The following SORBS2 variants were observed in gnomAD, a reference collection of about 807,000 sequenced individuals.
SORBS2 encodes the protein sorbin and SH3 domain containing 2.
SORBS2 carries 46 observed loss-of-function variants against 97.7 expected under a neutral mutation model. The ratio of observed to expected loss-of-function variants is 0.47; its 90% confidence interval spans 0.37 to 0.60. SORBS2 has a LOEUF of 0.60. Ranked by LOEUF, SORBS2 falls within the 20% of genes least tolerant of loss-of-function variation. SORBS2 has a pLI of 0.00. For synonymous variants in SORBS2, 476 were observed against 473.4 expected (o/e 1.01, Z -0.07); for missense variants, 1,316 against 1,282.3 (o/e 1.03, Z -0.40).
chr4:185,630,633 T>C (rs755278357), intron 4 of SORBS2, 35 bp from the exon 17 acceptor site: 1 of 1,387,272 alleles, frequency 7.2e-7, no homozygotes, highest in Admixed American at 2.0e-5. Context: ...ATGAAAAATT[T>C]TACCGTGGCA....
upstream of SORBS2, among the ~76,000 whole-genome samples, chr4:185,660,890 T>C (rs1205134949): frequency 6.6e-6 from 1 of 152,208 alleles, no homozygotes; most frequent in Non-Finnish European, 1.5e-5. Flanking sequence ...GTCGACATCA[T>C]GGAAACTTGT....
intron 2 of SORBS2, among the ~76,000 whole-genome samples, chr4:185,732,735 C>G (rs2098651717): frequency 1.3e-5 from 2 of 152,152 alleles, no homozygotes; most frequent in Admixed American, 1.3e-4. Flanking sequence ...TGGTGTTCCC[C>G]AAAAAGGTAT....
intron 1 of SORBS2, among the ~76,000 whole-genome samples, chr4:185,945,026 C>T (rs967172037): frequency 2.0e-5 from 3 of 152,174 alleles, no homozygotes; most frequent in Admixed American, 6.5e-5. Flanking sequence ...GCTCTAGGAA[C>T]TTTTGGAGCT....
At chr4:185,911,542 G>A (rs2099255089) in intron 1 of SORBS2, among the ~76,000 whole-genome samples, 1 of 151,978 alleles carries the variant, frequency 6.6e-6, no homozygotes, top group Non-Finnish European at 1.5e-5. Context: ...CTCCTTGAGT[G>A]CGCAAGTTTC....
intron 1 of SORBS2, among the ~76,000 whole-genome samples, chr4:185,873,856 T>C (rs984357519): frequency 2.0e-5 from 3 of 152,228 alleles, no homozygotes; most frequent in South Asian, 2.1e-4. Flanking sequence ...ATTTATATTA[T>C]TGTAAATAAT....
At chr4:185,743,746 TTCC>T (rs899164638) in intron 2 of SORBS2, among the ~76,000 whole-genome samples, 5 of 151,196 alleles carry the variant, frequency 3.3e-5, no homozygotes, top group Admixed American at 1.3e-4. Flanking sequence ...CTTCCTCCTC[TTCC>T]TCCTCCTCCT....
chr4:185,630,053 TG>T (rs2096882442), intron 5 of SORBS2, among the ~76,000 whole-genome samples: 1 of 152,116 alleles, frequency 6.6e-6, no homozygotes, highest in African/African-American at 2.4e-5. Flanking sequence ...AGAGATAAAG[TG>T]GGGACAATAG....
chr4:185,626,323 C>T (rs2096812809), intron 6 of SORBS2, among the ~76,000 whole-genome samples: 1 of 152,156 alleles, frequency 6.6e-6, no homozygotes, highest in Admixed American at 6.5e-5. Context: ...GAAGGTGGCC[C>T]AAAATATACA....
chr4:185,631,277 T>C (rs577126719), intron 4 of SORBS2, among the ~76,000 whole-genome samples: 2 of 152,390 alleles, frequency 1.3e-5, no homozygotes, highest in Admixed American at 1.3e-4. Context: ...AATATAACTT[T>C]TTTAAAGTGC....
intron 1 of SORBS2, among the ~76,000 whole-genome samples, chr4:185,852,249 G>A (rs2099218313): frequency 6.6e-6 from 1 of 152,176 alleles, no homozygotes; most frequent in Non-Finnish European, 1.5e-5. Context: ...AGGCCACTAA[G>A]TCACTCATCT....
chr4:185,911,575 C>T (rs1018070898), intron 1 of SORBS2, among the ~76,000 whole-genome samples: 4 of 152,054 alleles, frequency 2.6e-5, no homozygotes, highest in East Asian at 3.8e-4. Flanking sequence ...TACACTTAAC[C>T]GCACTTTAAT....
At position 185,607,280 on chromosome 4, in the gene SORBS2, G is replaced by T; in HGVS notation, c.2796+4500C>A. On this transcript the variant is annotated intron_variant, in intron 12 of 14. Transcript: ENST00000418609. This position sits in a 1 kb window ranked among gnomAD's most constrained non-coding sequence, Gnocchi z 5.2. ...GACAACCAGCCCTGGCCAGTTCCCT[G>T]GAGAGCTCCTTTATCTGAGCCAGGT... is the stretch of plus-strand genomic sequence containing the variant. 4 of 1,279,502 alleles carry T rather than the reference G, an allele frequency of 3.1e-6. No individual in the cohort carries two copies. Among genetic ancestry groups the T allele is most frequent in the Non-Finnish European group, 4.1e-6 (4 of 984,906 alleles). The allele number at this position is 1,279,502 out of a possible 1,614,324, so 79.3% of individuals were successfully genotyped here.
intron 9 of SORBS2, among the ~76,000 whole-genome samples, chr4:185,616,851 T>G (rs1388508309): frequency 6.6e-6 from 1 of 152,142 alleles, no homozygotes; most frequent in Non-Finnish European, 1.5e-5. Context: ...CAGGTTCAAG[T>G]GATTCTCCCA....
exon 7 of SORBS2, chr4:185,624,250 G>A: frequency 3.1e-6 from 5 of 1,614,208 alleles, no homozygotes; most frequent in South Asian, 1.1e-5. Context: ...CGCAGTCGTC[G>A]TTTAGGAGAT....
chr4:185,727,303 C>A (rs796602000), intron 2 of SORBS2, among the ~76,000 whole-genome samples: 34 of 152,280 alleles, frequency 2.2e-4, no homozygotes, highest in Admixed American at 6.5e-4. Context: ...TATGCCGTCA[C>A]AATTACAGCT....
chr4:185,838,642 C>G (rs1366790749), intron 1 of SORBS2, among the ~76,000 whole-genome samples: 2 of 152,218 alleles, frequency 1.3e-5, no homozygotes, highest in African/African-American at 4.8e-5. Flanking sequence ...TTTGCTTTGC[C>G]TTTTTTCCTG....
chr4:185,664,284 T>C (rs767604080), intron 4 of SORBS2, among the ~76,000 whole-genome samples: 4 of 152,264 alleles, frequency 2.6e-5, no homozygotes, highest in Non-Finnish European at 5.9e-5. Context: ...AATAATCTAT[T>C]TGCAATTTTA....
At chr4:185,653,701 A>T (rs1166973957) in intron 1 of SORBS2, among the ~76,000 whole-genome samples, 1 of 152,242 alleles carries the variant, frequency 6.6e-6, no homozygotes, top group Non-Finnish European at 1.5e-5. Context: ...GTAGAATGAA[A>T]TAATGAATGA....
chr4:185,932,766 T>G (rs1308990299), intron 1 of SORBS2, among the ~76,000 whole-genome samples: 2 of 152,196 alleles, frequency 1.3e-5, no homozygotes, highest in African/African-American at 4.8e-5. Flanking sequence ...CACACCATGA[T>G]CCTTCTCTAT....
Sources: gnomAD v4.1 joint callset for allele counts (sites outside exome capture counted in the v4.1 genomes callset) on GRCh38, gnomAD v4.1.1 for gene constraint, Gnocchi (gnomAD v3.1) non-coding constraint, MANE v1.5 for transcripts, NCBI Gene and HGNC (gene_info 2026-07-23, HGNC 2026-07-21) for gene names.